Variants in STOX2 observed in about 807,000 individuals in gnomAD.
The protein encoded by STOX2 is storkhead box 2, also known as storkhead-box protein 2.
In STOX2, 28 loss-of-function variants were observed where a neutral mutation model predicts 60.9. The observed-to-expected ratio is 0.46, with a 90% CI of 0.34 to 0.63. STOX2 has a LOEUF of 0.63. STOX2 is among the 30% of genes least tolerant of loss of function. The pLI is 0.01. For synonymous variants in STOX2, 472 were observed against 463.9 expected, an observed-to-expected ratio of 1.02 and a Z score of -0.22; for missense variants, 1,024 against 1,187.7, an observed-to-expected ratio of 0.86 and a Z score of 2.03.
chr4:183,969,753 G>A (rs934062991), intron 1 of STOX2, among the ~76,000 whole-genome samples: 4 of 152,108 alleles, frequency 2.6e-5, no homozygotes, highest in African/African-American at 9.7e-5. Flanking sequence ...CTGAGTAGCT[G>A]GGGCTCCAGG....
chr4:184,009,456 G>C lies in STOX2; in HGVS notation c.618G>C (p.Val206=). Residue 206 remains valine (V), a synonymous_variant, in exon 3 of 4, where the codon GTG becomes GTC. Transcript: ENST00000308497. The surrounding 1 kb of genome is among the most constrained non-coding windows in gnomAD (Gnocchi z 4.0). ...CTTGCCACTGCTGCAGAGAAGACGT[G>C]CACAGCACGCATGCACCCACCCTGC... is the stretch of plus-strand genomic sequence containing the variant. The part of the protein sequence containing the change: ...CDSCHCCRED[V]HSTHAPTLQR... The C allele has an allele frequency of 6.2e-7, 1 of 1,614,026 alleles. No homozygotes were observed. Among genetic ancestry groups the C allele is most frequent in the Non-Finnish European group, 8.5e-7 (1 of 1,179,896 alleles).
chr4:183,958,832 T>C (rs1252447509), intron 1 of STOX2, among the ~76,000 whole-genome samples: 1 of 152,198 alleles, frequency 6.6e-6, no homozygotes, highest in African/African-American at 2.4e-5. Flanking sequence ...TTCCTTGAAG[T>C]TTCTCTTCCT....
chr4:183,802,148 A>G (rs1488366786), intron 1 of STOX2, among the ~76,000 whole-genome samples: 11 of 152,198 alleles, frequency 7.2e-5, no homozygotes, highest in Admixed American at 5.9e-4. Context: ...TCTGTCCCCA[A>G]ATGGGAAAGT....
At chr4:183,938,675 A>C (rs1372829528) in intron 1 of STOX2, among the ~76,000 whole-genome samples, 1 of 150,930 alleles carries the variant, frequency 6.6e-6, no homozygotes, top group Non-Finnish European at 1.5e-5. Flanking sequence ...TCTCCAAAAA[A>C]AAAAAAAAAA....
intron 1 of STOX2, among the ~76,000 whole-genome samples, chr4:183,867,481 G>A (rs953201589): frequency 9.2e-5 from 14 of 152,324 alleles, no homozygotes; most frequent in Non-Finnish European, 1.5e-4. Context: ...AGCTTTCAGC[G>A]AATGCTGTGT....
chr4:183,854,065 T>G (rs1740230515), intron 1 of STOX2, among the ~76,000 whole-genome samples: 1 of 152,232 alleles, frequency 6.6e-6, no homozygotes, highest in Non-Finnish European at 1.5e-5. Flanking sequence ...CCTTCATACT[T>G]CCACGATTTC....
chr4:183,878,028 G>A (rs142580732), intron 1 of STOX2, among the ~76,000 whole-genome samples: 3 of 152,228 alleles, frequency 2.0e-5, no homozygotes, highest in Admixed American at 2.0e-4. Context: ...ATTAAGCCCT[G>A]ACAACAGTAT....
rs905400464 is a variant in STOX2 at position 183,906,547 on chromosome 4, C to T, written c.-244C>T. ...AGGAATCTGGAAGCTATAAGCCGGGCGGATTGCAAATGAAGTGTAATGCAT... is the reference window on the plus strand; with the variant it reads ...AGGAATCTGGAAGCTATAAGCCGGGTGGATTGCAAATGAAGTGTAATGCAT... On this transcript the variant is annotated 5_prime_UTR_variant, in exon 1 of 4. Coordinates refer to ENST00000308497, the MANE Select transcript of STOX2 (RefSeq NM_020225.3). The T allele has an allele frequency of 7.5e-6, 2 of 267,526 alleles. No individual in the cohort carries two copies. The highest frequency in any genetic ancestry group is 6.6e-5 in the East Asian group (1 of 15,088). The allele number at this position is 267,526 out of a possible 1,614,324, so 16.6% of individuals were successfully genotyped here.
At chr4:183,929,495 A>G (rs1742347863) in intron 1 of STOX2, among the ~76,000 whole-genome samples, 1 of 152,190 alleles carries the variant, frequency 6.6e-6, no homozygotes, top group Admixed American at 6.5e-5. Flanking sequence ...TGGGGACATA[A>G]TTTATAACAA....
chr4:183,909,929 C>T (rs139559100), intron 1 of STOX2, among the ~76,000 whole-genome samples: 119 of 152,304 alleles, frequency 7.8e-4, no homozygotes, highest in African/African-American at 2.6e-3. Context: ...TATAAACTAG[C>T]GAGCTCTTGC....
rs373037028 is a variant in STOX2, at chr4:184,009,744, G to A, written c.906G>A (p.Thr302=). ...AGTGGCCCCTGCGAGACGAGGACAC[G>A]CCAGCTACGATCCCTCGGGAAGTAG... The part of the protein sequence containing the change: ...PEEWPLRDED[T]PATIPREVEM... Residue 302 remains threonine, a synonymous_variant, in exon 3 of 4, where the codon ACG becomes ACA. Transcript: ENST00000308497. The surrounding 1 kb of genome is among the most constrained non-coding windows in gnomAD (Gnocchi z 4.0). 2.5e-6 allele frequency: 4 copies of A among 1,613,484 alleles called. No homozygotes were observed. The East Asian group carries it at 6.7e-5, about 27-fold the overall frequency.
intron 1 of STOX2, among the ~76,000 whole-genome samples, chr4:183,872,408 C>A (rs1201817262): frequency 1.3e-5 from 2 of 152,066 alleles, no homozygotes; most frequent in African/African-American, 2.4e-5. Context: ...GAAACACCTT[C>A]AGTTTAGGAT....
chr4:183,988,685 C>G (rs977242826), intron 1 of STOX2: 13 of 152,636 alleles, frequency 8.5e-5, no homozygotes, highest in African/African-American at 3.1e-4. Flanking sequence ...TTTACTCTTT[C>G]TTCTTATTCC....
At chr4:183,974,888 T>C (rs1732392250) in intron 1 of STOX2, among the ~76,000 whole-genome samples, 1 of 152,150 alleles carries the variant, frequency 6.6e-6, no homozygotes, top group Non-Finnish European at 1.5e-5. Flanking sequence ...AATAGCAGAA[T>C]ATACATTCCT....
intron 1 of STOX2, among the ~76,000 whole-genome samples, chr4:183,874,795 A>G (rs1351002340): frequency 2.7e-5 from 4 of 150,578 alleles, no homozygotes; most frequent in South Asian, 4.2e-4. Flanking sequence ...GCGAGCTGGC[A>G]GGCGCCTGTA....
At chr4:183,973,780 G>A (rs1353188601) in intron 1 of STOX2, among the ~76,000 whole-genome samples, 1 of 152,214 alleles carries the variant, frequency 6.6e-6, no homozygotes, top group Non-Finnish European at 1.5e-5. Flanking sequence ...TGGATCACGA[G>A]GTGAAGAGAT....
At chr4:184,006,741 A>G (rs11721774) in intron 2 of STOX2, among the ~76,000 whole-genome samples, 51,023 of 148,520 alleles carry the variant, frequency 0.34, 10,588 homozygotes, top group South Asian at 0.46. Flanking sequence ...TTTTGTACAG[A>G]AAGTATTATA....
At position 184,009,598 on chromosome 4, in the gene STOX2, T is replaced by C; in HGVS notation, c.760T>C (p.Ser254Pro). ...VNFSYKTETLSKPKDSEKQSK... is the reference protein window; with the variant it reads ...VNFSYKTETLPKPKDSEKQSK... Reference sequence around the variant, plus strand: ...TTTTTCCTATAAGACAGAAACTCTCTCAAAACCTAAAGATAGTGAAAAGCA... The same window carrying C: ...TTTTTCCTATAAGACAGAAACTCTCCCAAAACCTAAAGATAGTGAAAAGCA... The change falls in exon 3 of 4, where the codon TCA becomes CCA. Residue 254 changes from serine (S) to proline (P), a missense_variant. Coordinates refer to ENST00000308497, the MANE Select transcript of STOX2 (RefSeq NM_020225.3). The surrounding 1 kb of genome is among the most constrained non-coding windows in gnomAD (Gnocchi z 4.0). 1 of 1,613,900 alleles carries C rather than the reference T, an allele frequency of 6.2e-7. No homozygotes were observed. Among genetic ancestry groups the C allele is most frequent in the Non-Finnish European group, 8.5e-7 (1 of 1,179,858 alleles).
Position 184,010,310 on chromosome 4 carries a change from C to T in STOX2, c.1472C>T (p.Ser491Phe). 6.2e-7 allele frequency: 1 copy of T among 1,601,596 alleles called. No homozygotes were observed. The highest frequency in any genetic ancestry group is 1.1e-5 in the South Asian group (1 of 88,712). The stretch of plus-strand genomic sequence containing the variant: ...AGATCCAACAAAGCCAAGGAGAGAT[C>T]CAGGTCGATGGATAACTCCAAAGGC... ...NERSNKAKER[S>F]RSMDNSKGPL... Residue 491 changes from serine to phenylalanine, a missense_variant, in exon 3 of 4, where the codon TCC becomes TTC. By Grantham distance (155) the Ser-to-Phe change is radical (BLOSUM62 -2). Transcript: ENST00000308497. This position sits in a 1 kb window ranked among gnomAD's most constrained non-coding sequence, Gnocchi z 4.5.
Sources: gnomAD v4.1 joint callset for allele counts (sites outside exome capture counted in the v4.1 genomes callset) on GRCh38, gnomAD v4.1.1 for gene constraint, Gnocchi (gnomAD v3.1) non-coding constraint, MANE v1.5 for transcripts, NCBI Gene and HGNC (gene_info 2026-07-23, HGNC 2026-07-21) for gene names.